The following CADM2 variants were observed in gnomAD, a reference collection of about 807,000 sequenced individuals.
CADM2 encodes the protein immunoglobulin superfamily member 4D.
A neutral mutation model predicts 49.8 loss-of-function variants in CADM2; 12 were observed. The ratio of observed to expected loss-of-function variants is 0.24; its 90% CI spans 0.15 to 0.39. The LOEUF is 0.39. Among genes scored for constraint, CADM2 ranks in the 10% least tolerant of loss-of-function variants. The probability of loss-of-function intolerance (pLI) is 1.00; values close to 1 mark genes in which losing one functional copy is unlikely to be tolerated. For missense variants in CADM2, 378 were observed against 492.3 expected (o/e 0.77, Z 2.20); for synonymous variants, 214 against 175.4 (o/e 1.22, Z -1.74).
At chr3:86,066,225 C>G (rs932297698) in intron 9 of CADM2, among the ~76,000 whole-genome samples, 11 of 145,554 alleles carry the variant, frequency 7.6e-5, no homozygotes, top group Admixed American at 7.2e-4. Flanking sequence ...CCCAGCTACT[C>G]GGGAGGCTGA....
chr3:84,982,702 C>CATAT (rs71104999), intron 1 of CADM2, among the ~76,000 whole-genome samples: 6,412 of 75,858 alleles, frequency 0.085, 504 homozygotes, highest in African/African-American at 0.12. Context: ...AACTATAAAG[C>CATAT]ATATATATAT....
At chr3:85,588,157 G>A (rs1576875384) in intron 1 of CADM2, among the ~76,000 whole-genome samples, 1 of 151,968 alleles carries the variant, frequency 6.6e-6, no homozygotes, top group Non-Finnish European at 1.5e-5. Context: ...TCTATCACCT[G>A]TCATAATTGC....
At chr3:85,537,857 A>T (rs935405445) in intron 1 of CADM2, among the ~76,000 whole-genome samples, 1 of 152,130 alleles carries the variant, frequency 6.6e-6, no homozygotes, top group African/African-American at 2.4e-5. Flanking sequence ...CTTCAAATTT[A>T]TCATAACCTT....
intron 1 of CADM2, among the ~76,000 whole-genome samples, chr3:85,541,725 TATATA>T (rs1446345862): frequency 7.6e-6 from 1 of 131,466 alleles, no homozygotes; most frequent in African/African-American, 3.0e-5. Flanking sequence ...ATATTATATA[TATATA>T]TTTTATATAT....
At chr3:85,485,074 C>T (rs374056212) in intron 1 of CADM2, among the ~76,000 whole-genome samples, 1 of 151,742 alleles carries the variant, frequency 6.6e-6, no homozygotes. Context: ...ATAAAAGGTG[C>T]AAAATGAAAA....
intron 3 of CADM2, among the ~76,000 whole-genome samples, chr3:85,829,599 G>T (rs2074090389): frequency 6.6e-6 from 1 of 151,852 alleles, no homozygotes; most frequent in Non-Finnish European, 1.5e-5. Context: ...TTCCACCCAT[G>T]CTGTACCTTG....
chr3:85,015,149 A>G (rs536721527), intron 1 of CADM2, among the ~76,000 whole-genome samples: 1 of 152,198 alleles, frequency 6.6e-6, no homozygotes, highest in Non-Finnish European at 1.5e-5. Flanking sequence ...ATATGTGTAT[A>G]TATGGGTATG....
At chr3:85,866,515 G>A (rs1407176849) in intron 3 of CADM2, among the ~76,000 whole-genome samples, 1 of 151,924 alleles carries the variant, frequency 6.6e-6, no homozygotes, top group African/African-American at 2.4e-5. Flanking sequence ...TTGTTTTCAT[G>A]TTGTTTTGCA....
chr3:85,500,733 G>T (rs2040081446), intron 1 of CADM2, among the ~76,000 whole-genome samples: 1 of 151,984 alleles, frequency 6.6e-6, no homozygotes, highest in African/African-American at 2.4e-5. Context: ...TAGCCAGGAT[G>T]GTCTCGATCT....
At chr3:85,643,069 G>A (rs1363215942) in intron 1 of CADM2, among the ~76,000 whole-genome samples, 3 of 152,002 alleles carry the variant, frequency 2.0e-5, no homozygotes, top group Non-Finnish European at 4.4e-5. Flanking sequence ...GGGTTTAATT[G>A]GAAACACAAT....
At chr3:85,247,832 C>T (rs2042684477) in intron 1 of CADM2, among the ~76,000 whole-genome samples, 1 of 152,010 alleles carries the variant, frequency 6.6e-6, no homozygotes, top group Non-Finnish European at 1.5e-5. Context: ...CAAATACTTG[C>T]CAGGCATGTA....
At chr3:85,097,298 T>C (rs922541718) in intron 1 of CADM2, among the ~76,000 whole-genome samples, 1 of 152,122 alleles carries the variant, frequency 6.6e-6, no homozygotes, top group African/African-American at 2.4e-5. Context: ...TGGTTTCCAG[T>C]TTCATCCATG....
At chr3:85,835,970 C>A (rs563488380) in intron 3 of CADM2, among the ~76,000 whole-genome samples, 3 of 151,192 alleles carry the variant, frequency 2.0e-5, no homozygotes, top group Admixed American at 6.6e-5. Context: ...TTTAAAAGCC[C>A]TCAATGAAGA....
At chr3:85,533,252 C>T (rs528401090) in intron 1 of CADM2, among the ~76,000 whole-genome samples, 2 of 152,134 alleles carry the variant, frequency 1.3e-5, no homozygotes, top group African/African-American at 2.4e-5. Context: ...TATGTAATTT[C>T]CTTTATAAGC....
At chr3:85,994,269 A>T (rs533593543) in intron 8 of CADM2, 1 of 152,292 alleles carries the variant, frequency 6.6e-6, no homozygotes, top group African/African-American at 2.4e-5. Flanking sequence ...AGCCTTATGA[A>T]CCAACCTCCA....
intron 1 of CADM2, among the ~76,000 whole-genome samples, chr3:85,008,281 CT>C (rs1228547907): frequency 6.6e-5 from 10 of 151,996 alleles, no homozygotes; most frequent in Admixed American, 5.2e-4. Flanking sequence ...ATAAATTTTG[CT>C]TTTGTCTTAT....
At chr3:85,515,900 TTAAA>T (rs1253019029) in intron 1 of CADM2, among the ~76,000 whole-genome samples, 1 of 152,100 alleles carries the variant, frequency 6.6e-6, no homozygotes, top group Non-Finnish European at 1.5e-5. Flanking sequence ...TATTCTAAAA[TTAAA>T]TAAGGCAATT....
chr3:85,058,569 C>G (rs1030789795), intron 1 of CADM2, among the ~76,000 whole-genome samples: 1 of 152,042 alleles, frequency 6.6e-6, no homozygotes, highest in Non-Finnish European at 1.5e-5. Context: ...CTCAGCCTAC[C>G]AAGTAGCTGG....
intron 1 of CADM2, among the ~76,000 whole-genome samples, chr3:85,515,539 C>G (rs1271400998): frequency 6.7e-6 from 1 of 149,270 alleles, no homozygotes; most frequent in Non-Finnish European, 1.5e-5. Flanking sequence ...TCTCCTGCCT[C>G]AGCCTCCCGA....
Sources: gnomAD v4.1 joint callset for allele counts (sites outside exome capture counted in the v4.1 genomes callset) on GRCh38, gnomAD v4.1.1 for gene constraint, MANE v1.5 for transcripts, NCBI Gene and HGNC (gene_info 2026-07-23, HGNC 2026-07-21) for gene names.